IER3IP1: variants seen among roughly 807,000 people sequenced by gnomAD.
IER3IP1 encodes the protein immediate early response 3-interacting protein 1.
Under a neutral mutation model 12.2 loss-of-function variants are expected in IER3IP1, and 16 were observed. That is an observed-to-expected ratio of 1.31 (90% confidence interval 0.89 to 1.99). IER3IP1 has a LOEUF of 1.99. Among genes scored for constraint, IER3IP1 ranks in the 30% most tolerant of loss-of-function variants. The pLI is 0.00. For missense variants in IER3IP1, 95 were observed against 95.8 expected (o/e 0.99, Z 0.03); for synonymous variants, 42 against 40.0 (o/e 1.05, Z -0.19).
chr18:47,176,319 C>G lies in IER3IP1; in HGVS notation c.-42G>C. 1.3e-6 allele frequency: 2 copies of G among 1,538,340 alleles called. No individual in the cohort carries two copies. Among genetic ancestry groups the G allele is most frequent in the Non-Finnish European group, 1.8e-6 (2 of 1,129,966 alleles). ...CCCGAAGTCCAAGCGATTTCTCTCC[C>G]GCCGCCGCAAGGGACGTGGCGCCTC... On this transcript the variant is annotated 5_prime_UTR_variant, in exon 1 of 3. Transcript: ENST00000256433.
intron 1 of IER3IP1, among the ~76,000 whole-genome samples, chr18:47,174,332 A>G (rs16949275): frequency 0.052 from 7,987 of 152,260 alleles, 258 homozygotes; most frequent in East Asian, 0.092. Flanking sequence ...GGCACTTGAT[A>G]CAGATCCTGT....
chr18:47,166,646 C>A (rs1568073125), intron 1 of IER3IP1, among the ~76,000 whole-genome samples: 1 of 152,054 alleles, frequency 6.6e-6, no homozygotes, highest in Non-Finnish European at 1.5e-5. Flanking sequence ...GAATTTCAAA[C>A]CACTGAAGAA....
chr18:47,161,153 G>A (rs1054465901), intron 1 of IER3IP1, among the ~76,000 whole-genome samples: 1 of 152,026 alleles, frequency 6.6e-6, no homozygotes, highest in African/African-American at 2.4e-5. Flanking sequence ...AGATATACCT[G>A]AAAGACTCAA....
At chr18:47,164,778 CAA>C (rs532684692) in intron 1 of IER3IP1, among the ~76,000 whole-genome samples, 2 of 132,518 alleles carry the variant, frequency 1.5e-5, no homozygotes, top group Non-Finnish European at 1.7e-5. Flanking sequence ...ACCCTCTTTC[CAA>C]AAAAAAAAAA....
rs2063954478 is a variant in IER3IP1, at chr18:47,155,292, C to T, written c.*885G>A. 1 of 152,122 alleles carries T rather than the reference C, an allele frequency of 6.6e-6. No homozygotes were observed. Among genetic ancestry groups the T allele is most frequent in the African/African-American group, 2.4e-5 (1 of 41,428 alleles). 9.4% of individuals were successfully genotyped at this position (152,122 alleles called of 1,614,324 possible). A position where few individuals can be genotyped will look rare whatever the true frequency, so the allele number is the denominator to read the frequency against. On this transcript the variant is annotated 3_prime_UTR_variant, in exon 3 of 3. Coordinates refer to ENST00000256433, the MANE Select transcript of IER3IP1 (RefSeq NM_016097.5). The stretch of plus-strand genomic sequence containing the variant: ...CAATGAAGAATTAAGAATCACACTC[C>T]ACAATGTGCTGCTCCACCAAGAAAT...
At chr18:47,162,089 A>C (rs546561394) in intron 1 of IER3IP1, among the ~76,000 whole-genome samples, 29 of 151,962 alleles carry the variant, frequency 1.9e-4, no homozygotes, top group Non-Finnish European at 3.8e-4. Context: ...CTCATCTGCC[A>C]CTCACCTCCT....
chr18:47,161,925 GAGTACA>G (rs2063981192), intron 1 of IER3IP1, among the ~76,000 whole-genome samples: 1 of 151,598 alleles, frequency 6.6e-6, no homozygotes, highest in African/African-American at 2.4e-5. Context: ...TTCTTACAAG[GAGTACA>G]CAACCTAGAT....
At position 47,157,488 on chromosome 18, in the gene IER3IP1, T is replaced by A. The variant is rs750922610; in HGVS notation, c.141A>T (p.Gly47=). ...TAAGGTTCATTAGCTGTGATTTAATTCCCGGCTCTTCTCCAAATCCACCAA... is the reference window on the plus strand; with the variant it reads ...TAAGGTTCATTAGCTGTGATTTAATACCCGGCTCTTCTCCAAATCCACCAA... ...QGIGGFGEEP[G]IKSQLMNLIR... is the part of the protein sequence containing the mutation. The change falls in exon 2 of 3, where the codon GGA becomes GGT. Residue 47 remains glycine (G), a synonymous_variant. Coordinates refer to ENST00000256433, the MANE Select transcript of IER3IP1 (RefSeq NM_016097.5). 67 of 1,614,072 alleles carry A rather than the reference T, an allele frequency of 4.2e-5. No individual in the cohort carries two copies. The Admixed American group carries it at 1.1e-3, about 27-fold the overall frequency.
intron 1 of IER3IP1, among the ~76,000 whole-genome samples, chr18:47,174,774 TC>T (rs917175706): frequency 4.0e-4 from 61 of 152,278 alleles, no homozygotes; most frequent in African/African-American, 1.3e-3. Flanking sequence ...TCTGGTCATG[TC>T]GCTGTCTTAA....
chr18:47,169,732 G>C (rs2064009169), intron 1 of IER3IP1, among the ~76,000 whole-genome samples: 1 of 151,972 alleles, frequency 6.6e-6, no homozygotes, highest in South Asian at 2.1e-4. Context: ...TGTGCTTATT[G>C]ATCATTTGCT....
intron 1 of IER3IP1, among the ~76,000 whole-genome samples, chr18:47,162,589 G>C (rs1230964443): frequency 6.6e-6 from 1 of 151,636 alleles, no homozygotes; most frequent in Non-Finnish European, 1.5e-5. Context: ...AACAGGGGTT[G>C]AAAGATGAAA....
At chr18:47,157,900 A>G (rs1169156513) in intron 1 of IER3IP1, among the ~76,000 whole-genome samples, 2 of 152,236 alleles carry the variant, frequency 1.3e-5, no homozygotes, top group Non-Finnish European at 2.9e-5. Flanking sequence ...GTCAAGCTAT[A>G]TAATTATTAT....
intron 1 of IER3IP1, among the ~76,000 whole-genome samples, chr18:47,175,856 A>C (rs116408748): frequency 0.052 from 7,931 of 151,958 alleles, 251 homozygotes; most frequent in East Asian, 0.089. Flanking sequence ...GCCTGGGCAA[A>C]AGAGCGAGAC....
intron 1 of IER3IP1, among the ~76,000 whole-genome samples, chr18:47,163,255 G>C (rs1280269975): frequency 1.3e-5 from 2 of 152,074 alleles, no homozygotes; most frequent in African/African-American, 2.4e-5. Flanking sequence ...GTAAAATAAG[G>C]GTTAAACATA....
chr18:47,157,652 G>T (rs2063965757), intron 1 of IER3IP1, 115 bp from the exon 2 acceptor site: 15 of 901,754 alleles, frequency 1.7e-5, no homozygotes, highest in Middle Eastern at 5.1e-4. Context: ...AAAGTCATAT[G>T]ACTTTTAAGA....
At chr18:47,174,643 G>A (rs976071759) in intron 1 of IER3IP1, among the ~76,000 whole-genome samples, 1 of 151,576 alleles carries the variant, frequency 6.6e-6, no homozygotes. Flanking sequence ...CACTCCAGCC[G>A]GGGGGACAGG....
At position 47,176,335 on chromosome 18, in the gene IER3IP1, G is replaced by A. The variant is rs779689955; in HGVS notation, c.-58C>T. The A allele has an allele frequency of 4.1e-4, 597 of 1,470,470 alleles. No homozygotes were observed. The highest frequency in any genetic ancestry group is 1.3e-3 in the Middle Eastern group (7 of 5,462). 91.1% of individuals were successfully genotyped at this position (1,470,470 alleles called of 1,614,324 possible). On this transcript the variant is annotated 5_prime_UTR_variant, in exon 1 of 3. The change creates a new upstream start codon in the 5' untranslated region. Transcript: ENST00000256433. Reference sequence around the variant, plus strand: ...TTTCTCTCCCGCCGCCGCAAGGGACGTGGCGCCTCCACGGCCGGCGCCTTC... The same window carrying A: ...TTTCTCTCCCGCCGCCGCAAGGGACATGGCGCCTCCACGGCCGGCGCCTTC...
chr18:47,174,328 T>G (rs561457569), intron 1 of IER3IP1, among the ~76,000 whole-genome samples: 1 of 152,334 alleles, frequency 6.6e-6, no homozygotes, highest in South Asian at 2.1e-4. Context: ...GTAAGGCACT[T>G]GATACAGATC....
At position 47,153,454 on chromosome 18, in the gene IER3IP1, G is replaced by A. The variant is rs1209337809; in HGVS notation, c.*2723C>T. The A allele has an allele frequency of 6.8e-6, 1 of 146,396 alleles. No homozygotes were observed. The highest frequency in any genetic ancestry group is 3.4e-3 in the Middle Eastern group (1 of 290). 9.1% of individuals were successfully genotyped at this position (146,396 alleles called of 1,614,324 possible). A position where few individuals can be genotyped will look rare whatever the true frequency, so the allele number is the denominator to read the frequency against. Reference sequence around the variant, plus strand: ...AGGGGTACAGTACATTTGTTAAATAGGTAAACTTGTGTCACGGGGGTTTGG... The same window carrying A: ...AGGGGTACAGTACATTTGTTAAATAAGTAAACTTGTGTCACGGGGGTTTGG... On this transcript the variant is annotated 3_prime_UTR_variant, in exon 3 of 3. Transcript: ENST00000256433.
Sources: gnomAD v4.1 joint callset for allele counts (sites outside exome capture counted in the v4.1 genomes callset) on GRCh38, gnomAD v4.1.1 for gene constraint, MANE v1.5 for transcripts, NCBI Gene and HGNC (gene_info 2026-07-23, HGNC 2026-07-21) for gene names.